Variants in ACSM3 observed in about 807,000 individuals in gnomAD.
ACSM3 encodes acyl-coenzyme A synthetase ACSM3, mitochondrial.
Under a neutral mutation model 74.1 loss-of-function variants are expected in ACSM3, and 61 were observed. The observed-to-expected ratio is 0.82, with a 90% CI of 0.67 to 1.02. The LOEUF (loss-of-function observed/expected upper bound fraction) is 1.02, where lower values mean the gene tolerates loss of function less well. Ranked by LOEUF, ACSM3 falls within the 50% of genes least tolerant of loss-of-function variation. The pLI, the probability that ACSM3 is intolerant of heterozygous loss-of-function variation, is 0.00. For missense variants in ACSM3, 660 were observed against 697.0 expected (o/e 0.95, Z 0.60); for synonymous variants, 213 against 241.5 (o/e 0.88, Z 1.09).
chr16:20,722,128 ATGT>A (rs1049463012), intron 1 of ACSM3: 8 of 152,196 alleles, frequency 5.3e-5, no homozygotes, highest in Admixed American at 6.5e-5. Flanking sequence ...GTACACATAA[ATGT>A]TGTGGGGATA....
At chr16:20,700,666 G>C (rs2079710700) in intron 1 of ACSM3, among the ~76,000 whole-genome samples, 1 of 151,896 alleles carries the variant, frequency 6.6e-6, no homozygotes, top group East Asian at 1.9e-4. Context: ...ATAATAAGGA[G>C]TTTGGATTCT....
At chr16:20,728,755 C>G (rs1215778629) in intron 1 of ACSM3, among the ~76,000 whole-genome samples, 2 of 152,186 alleles carry the variant, frequency 1.3e-5, no homozygotes, top group Non-Finnish European at 2.9e-5. Flanking sequence ...GGAAGAGGGG[C>G]TTTTTATTAT....
At chr16:20,740,881 C>T (rs1214653580) in intron 1 of ACSM3, among the ~76,000 whole-genome samples, 1 of 152,188 alleles carries the variant, frequency 6.6e-6, no homozygotes, top group Non-Finnish European at 1.5e-5. Context: ...CAGGTAAACA[C>T]ATTATTACTC....
chr16:20,727,317 G>C, intron 1 of ACSM3: 1 of 573,574 alleles, frequency 1.7e-6, no homozygotes, highest in Non-Finnish European at 3.3e-6. Flanking sequence ...CTCTCAAAAA[G>C]GCCCCATGCA....
intron 1 of ACSM3, among the ~76,000 whole-genome samples, chr16:20,683,140 T>C (rs2079480538): frequency 6.6e-6 from 1 of 151,834 alleles, no homozygotes. Flanking sequence ...TTTTTTAAGG[T>C]GGAGTCTCCC....
chr16:20,796,054 G>A, intron 12 of ACSM3: 1 of 227,588 alleles, frequency 4.4e-6, no homozygotes, highest in Non-Finnish European at 8.5e-6. Flanking sequence ...CTTGTATAAA[G>A]ACTGCATGTT....
chr16:20,685,120 G>A, intron 1 of ACSM3: 2 of 1,521,382 alleles, frequency 1.3e-6, no homozygotes, highest in Non-Finnish European at 1.8e-6. Context: ...TGGGTGCACA[G>A]CACCTAATAT....
chr16:20,706,606 G>A (rs1466381049), intron 1 of ACSM3, among the ~76,000 whole-genome samples: 1 of 152,196 alleles, frequency 6.6e-6, no homozygotes, highest in Non-Finnish European at 1.5e-5. Flanking sequence ...ACTCATTGAT[G>A]GTGGTCCTAA....
At chr16:20,691,169 A>C (rs142785328) in intron 1 of ACSM3, 42 of 1,600,698 alleles carry the variant, frequency 2.6e-5, no homozygotes, top group African/African-American at 1.3e-5. Flanking sequence ...GAGGGTCCGG[A>C]ACCTCATTAG....
chr16:20,691,301 C>T, intron 1 of ACSM3: 1 of 921,400 alleles, frequency 1.1e-6, no homozygotes, highest in Middle Eastern at 3.6e-4. Flanking sequence ...AAATTGGGTG[C>T]ATGTTTTTGG....
At chr16:20,718,396 C>A (rs1294736219) in intron 1 of ACSM3, 9 of 929,798 alleles carry the variant, frequency 9.7e-6, no homozygotes, top group Non-Finnish European at 1.0e-5. Flanking sequence ...AAGTCAAGAA[C>A]CAGTGGCCAT....
At chr16:20,725,201 A>G (rs1161751949) in intron 1 of ACSM3, among the ~76,000 whole-genome samples, 3 of 152,238 alleles carry the variant, frequency 2.0e-5, no homozygotes, top group African/African-American at 7.2e-5. Flanking sequence ...CCAATGGAAC[A>G]GAACAGAGCC....
intron 1 of ACSM3, chr16:20,680,956 T>C (rs1407567997): frequency 6.6e-6 from 1 of 152,218 alleles, no homozygotes; most frequent in Non-Finnish European, 1.5e-5. Flanking sequence ...TGGTATCCAG[T>C]TGATGATGAA....
chr16:20,742,662 C>G (rs2079937374), intron 1 of ACSM3, among the ~76,000 whole-genome samples: 1 of 145,078 alleles, frequency 6.9e-6, no homozygotes, highest in Non-Finnish European at 1.5e-5. Context: ...AAAAAATGAG[C>G]CAGGGTCCCA....
At chr16:20,781,188 A>G in intron 6 of ACSM3, 58 bp downstream of exon 6, 1 of 1,584,314 alleles carries the variant, frequency 6.3e-7, no homozygotes, top group Middle Eastern at 1.7e-4. Flanking sequence ...TATGGCTGAC[A>G]GAACTGGTGA....
At chr16:20,720,653 A>C (rs1376326655) in intron 1 of ACSM3, among the ~76,000 whole-genome samples, 2 of 152,216 alleles carry the variant, frequency 1.3e-5, no homozygotes, top group African/African-American at 4.8e-5. Flanking sequence ...ATAAGAACGG[A>C]GATCTCCACA....
rs1211063893 is a variant in ACSM3 at position 20,717,938 on chromosome 16, AGAAGAG to A, written c.-189-31954_-189-31949del. Reference sequence around the variant, plus strand: ...AAGAAGAAGGAGGAGAAGGAGAAGGAGAAGAGGAAGAGGAAGAGGAAGAAGAAGAAG... The same window carrying A: ...AAGAAGAAGGAGGAGAAGGAGAAGGAGAAGAGGAAGAGGAAGAAGAAGAAG... On this transcript the variant is annotated intron_variant, in intron 1 of 3. Transcript: ENST00000561584. 7.2e-4 allele frequency among the ~76,000 whole-genome samples: 72 copies of A among 100,592 alleles called. 1 individual carries two copies. Among genetic ancestry groups the A allele is most frequent in the African/African-American group, 1.9e-3 (54 of 29,130 alleles). The allele number at this position is 100,592 out of a possible 152,430, so 66.0% of individuals were successfully genotyped here. A position where few individuals can be genotyped will look rare whatever the true frequency, so the allele number is the denominator to read the frequency against.
At chr16:20,765,454 T>C (rs2080115524) in intron 1 of ACSM3, among the ~76,000 whole-genome samples, 2 of 152,214 alleles carry the variant, frequency 1.3e-5, no homozygotes, top group Admixed American at 1.3e-4. Flanking sequence ...CAACATACGT[T>C]TGAAGGATTC....
chr16:20,748,999 C>T (rs1371684260), intron 1 of ACSM3, among the ~76,000 whole-genome samples: 1 of 151,990 alleles, frequency 6.6e-6, no homozygotes, highest in Non-Finnish European at 1.5e-5. Flanking sequence ...TTCAATGAGC[C>T]ATAATCGCAC....
Sources: allele counts gnomAD v4.1 joint callset (sites outside exome capture counted in the v4.1 genomes callset), GRCh38; gene constraint gnomAD v4.1.1; transcripts MANE v1.5; gene names NCBI Gene and HGNC (gene_info 2026-07-23, HGNC 2026-07-21).